Variants in SYN3 observed in about 807,000 individuals in gnomAD.
The protein encoded by SYN3 is synapsin-3.
A neutral mutation model predicts 65.8 loss-of-function variants in SYN3; 35 were observed. The ratio of observed to expected loss-of-function variants is 0.53; its 90% CI spans 0.41 to 0.70. The LOEUF (loss-of-function observed/expected upper bound fraction) is 0.70, where lower values mean the gene tolerates loss of function less well. SYN3 is among the 30% of genes least tolerant of loss of function. SYN3 has a pLI of 0.00. For synonymous variants in SYN3, 270 were observed against 292.9 expected (o/e 0.92, Z 0.80); for missense variants, 680 against 749.0 (o/e 0.91, Z 1.08).
At chr22:32,862,949 G>A (rs954950468) in intron 6 of SYN3, 3 of 152,628 alleles carry the variant, frequency 2.0e-5, no homozygotes, top group Non-Finnish European at 2.9e-5. Flanking sequence ...TTTATATTCC[G>A]TGAATGTATA....
chr22:32,665,714 C>T (rs2060280951), intron 6 of SYN3, among the ~76,000 whole-genome samples: 3 of 152,048 alleles, frequency 2.0e-5, no homozygotes, highest in African/African-American at 7.2e-5. Flanking sequence ...ACAGATTCCC[C>T]TCTACCTTCC....
chr22:33,052,013 T>C (rs1305829839), intron 1 of SYN3, among the ~76,000 whole-genome samples: 4 of 152,044 alleles, frequency 2.6e-5, no homozygotes, highest in African/African-American at 9.7e-5. Context: ...CTGCTAAAAC[T>C]TGGATTAGGA....
intron 6 of SYN3, among the ~76,000 whole-genome samples, chr22:32,704,067 AT>A (rs1443207946): frequency 6.6e-6 from 1 of 152,130 alleles, no homozygotes; most frequent in Non-Finnish European, 1.5e-5. Flanking sequence ...TTTTAAGATA[AT>A]TTTAAAAGAC....
At chr22:32,959,658 G>C (rs1224223173) in intron 3 of SYN3, among the ~76,000 whole-genome samples, 2 of 151,726 alleles carry the variant, frequency 1.3e-5, no homozygotes, top group Non-Finnish European at 2.9e-5. Context: ...GCAATGATGC[G>C]ATCACGGCTC....
chr22:32,553,743 G>T (rs1360467912), intron 7 of SYN3, among the ~76,000 whole-genome samples: 1 of 152,184 alleles, frequency 6.6e-6, no homozygotes, highest in Non-Finnish European at 1.5e-5. Context: ...GAGTCTATGG[G>T]ACACCCAGTG....
intron 2 of SYN3, among the ~76,000 whole-genome samples, chr22:32,985,491 A>G (rs966956858): frequency 3.3e-5 from 5 of 152,144 alleles, no homozygotes; most frequent in Non-Finnish European, 7.3e-5. Context: ...CCTTCCTCCT[A>G]TTTGACCCTC....
intron 3 of SYN3, among the ~76,000 whole-genome samples, chr22:32,934,207 G>C (rs1029783167): frequency 2.0e-5 from 3 of 152,168 alleles, no homozygotes; most frequent in African/African-American, 7.2e-5. Context: ...TTAGAAGAAA[G>C]TTGCAAAACA....
chr22:32,788,027 G>T (rs2046235952), intron 6 of SYN3, among the ~76,000 whole-genome samples: 1 of 152,170 alleles, frequency 6.6e-6, no homozygotes, highest in Admixed American at 6.5e-5. Flanking sequence ...ATGCCACGCT[G>T]GGTCTAGAAG....
intron 6 of SYN3, among the ~76,000 whole-genome samples, chr22:32,827,981 G>A (rs2047461161): frequency 6.6e-6 from 1 of 152,056 alleles, no homozygotes; most frequent in South Asian, 2.1e-4. Context: ...CAGCCTCCTT[G>A]TCTATTCCCC....
At chr22:32,760,261 C>G (rs537520060) in intron 6 of SYN3, among the ~76,000 whole-genome samples, 31 of 148,766 alleles carry the variant, frequency 2.1e-4, no homozygotes, top group Non-Finnish European at 1.5e-5. Context: ...GCGGCCCTTC[C>G]TTGATTGAGT....
At chr22:32,878,239 T>C (rs936575192) in intron 4 of SYN3, among the ~76,000 whole-genome samples, 7 of 152,112 alleles carry the variant, frequency 4.6e-5, no homozygotes, top group Non-Finnish European at 1.0e-4. Context: ...CTGTTAAAGG[T>C]CTGTCGTGCT....
chr22:32,832,045 G>C (rs1220638884), intron 6 of SYN3, among the ~76,000 whole-genome samples: 1 of 152,180 alleles, frequency 6.6e-6, no homozygotes, highest in Non-Finnish European at 1.5e-5. Flanking sequence ...GTTTGAATGT[G>C]CAGCTGATGG....
At chr22:32,873,240 C>A (rs1343798883) in intron 4 of SYN3, among the ~76,000 whole-genome samples, 1 of 152,138 alleles carries the variant, frequency 6.6e-6, no homozygotes, top group Non-Finnish European at 1.5e-5. Context: ...CGTGAGCCAC[C>A]GTGCCCGGCC....
intron 6 of SYN3, among the ~76,000 whole-genome samples, chr22:32,757,125 T>A (rs1257179330): frequency 6.6e-6 from 1 of 151,862 alleles, no homozygotes; most frequent in Non-Finnish European, 1.5e-5. Context: ...TCACCCCTAG[T>A]GATCCACTAG....
chr22:32,865,012 A>G lies in SYN3; in HGVS notation c.622-8T>C. 2 of 1,604,022 alleles carry G rather than the reference A, an allele frequency of 1.2e-6. No individual in the cohort carries two copies. Among genetic ancestry groups the G allele is most frequent in the South Asian group, 1.1e-5 (1 of 90,870 alleles). ...CTTAATGAGCTGAGAGAACTAGGAT[A>G]GAAGAGGAGAGAACATTGATCAACT... On this transcript the variant is annotated splice_region_variant and splice_polypyrimidine_tract_variant and intron_variant, in intron 5 of 13. Transcript: ENST00000358763.
chr22:32,740,537 G>A (rs1356786543), intron 6 of SYN3, among the ~76,000 whole-genome samples: 1 of 152,200 alleles, frequency 6.6e-6, no homozygotes, highest in Non-Finnish European at 1.5e-5. Context: ...GTAAAAGGAT[G>A]CACAACATTT....
intron 4 of SYN3, among the ~76,000 whole-genome samples, chr22:32,917,994 C>T (rs909389730): frequency 1.3e-5 from 2 of 152,230 alleles, no homozygotes; most frequent in African/African-American, 4.8e-5. Flanking sequence ...GGCCCCTGGA[C>T]GACCCTAAGT....
chr22:32,625,132 C>G (rs1215398282), intron 6 of SYN3, among the ~76,000 whole-genome samples: 3 of 152,242 alleles, frequency 2.0e-5, no homozygotes, highest in Non-Finnish European at 4.4e-5. Flanking sequence ...GAGCCCGTCA[C>G]AGTCATGTCA....
intron 6 of SYN3, among the ~76,000 whole-genome samples, chr22:32,680,416 C>A (rs996647517): frequency 6.6e-6 from 1 of 152,330 alleles, no homozygotes; most frequent in East Asian, 1.9e-4. Context: ...AGACTGTCAA[C>A]TCTTTGAGGA....
Sources: allele counts gnomAD v4.1 joint callset (sites outside exome capture counted in the v4.1 genomes callset), GRCh38; gene constraint gnomAD v4.1.1; transcripts MANE v1.5; gene names NCBI Gene and HGNC (gene_info 2026-07-23, HGNC 2026-07-21).